NEBL: variants seen among roughly 807,000 people sequenced by gnomAD.
NEBL encodes the protein LIM and SH3 protein 2.
A neutral mutation model predicts 140.2 loss-of-function variants in NEBL; 122 were observed. That is an observed-to-expected ratio of 0.87 (90% CI 0.75 to 1.01). The LOEUF (loss-of-function observed/expected upper bound fraction) is 1.01. Ranked by LOEUF, NEBL falls within the 50% of genes least tolerant of loss-of-function variation. The pLI is 0.00. For synonymous variants in NEBL, 436 were observed against 398.9 expected (o/e 1.09, Z -1.11); for missense variants, 1,365 against 1,231.3 (o/e 1.11, Z -1.62).
intron 3 of NEBL, among the ~76,000 whole-genome samples, chr10:21,006,798 A>G (rs1287761082): frequency 6.6e-6 from 1 of 152,230 alleles, no homozygotes; most frequent in Non-Finnish European, 1.5e-5. Context: ...GGATAACAAT[A>G]AGAAGAAAGT....
intron 12 of NEBL, among the ~76,000 whole-genome samples, chr10:20,843,327 G>C (rs891223678): frequency 6.6e-6 from 1 of 152,004 alleles, no homozygotes; most frequent in African/African-American, 2.4e-5. Context: ...AAGCCACTTA[G>C]TCTGTGGTAT....
intron 4 of NEBL, among the ~76,000 whole-genome samples, chr10:20,947,909 C>T (rs751870299): frequency 6.6e-6 from 1 of 152,184 alleles, no homozygotes; most frequent in Non-Finnish European, 1.5e-5. Flanking sequence ...ATCTGTATGT[C>T]TTATGCTTTA....
chr10:21,130,623 C>T (rs1393467032), intron 2 of NEBL, among the ~76,000 whole-genome samples: 3 of 152,070 alleles, frequency 2.0e-5, no homozygotes, highest in South Asian at 2.1e-4. Context: ...TTAAATAACA[C>T]ACTTCTAAAT....
At chr10:20,879,370 T>C (rs1845806111) in intron 5 of NEBL, among the ~76,000 whole-genome samples, 1 of 152,178 alleles carries the variant, frequency 6.6e-6, no homozygotes, top group Admixed American at 6.5e-5. Flanking sequence ...ATTACAGTCA[T>C]CCTTAAGCAA....
chr10:21,049,385 A>C (rs1564492891), intron 2 of NEBL, among the ~76,000 whole-genome samples: 1 of 152,198 alleles, frequency 6.6e-6, no homozygotes, highest in Non-Finnish European at 1.5e-5. Flanking sequence ...TTATCAATTC[A>C]TTGTAGATTT....
chr10:21,157,280 A>C (rs1840372322), intron 2 of NEBL, among the ~76,000 whole-genome samples: 1 of 152,180 alleles, frequency 6.6e-6, no homozygotes, highest in South Asian at 2.1e-4. Flanking sequence ...AAAAATTAAC[A>C]GCATTTAAGC....
intron 2 of NEBL, among the ~76,000 whole-genome samples, chr10:21,112,288 C>T (rs1205093745): frequency 6.6e-6 from 1 of 152,138 alleles, no homozygotes; most frequent in Non-Finnish European, 1.5e-5. Flanking sequence ...GACACATGCA[C>T]ACATATGTTT....
At chr10:21,206,968 C>CT (rs1028716031) in intron 3 of NEBL, among the ~76,000 whole-genome samples, 1,175 of 99,074 alleles carry the variant, frequency 0.012, 19 homozygotes, top group African/African-American at 0.021. Context: ...CTTTTTCTTT[C>CT]TTTTTTTTTT....
intron 2 of NEBL, among the ~76,000 whole-genome samples, chr10:21,153,107 T>C (rs1355164133): frequency 2.0e-5 from 3 of 152,216 alleles, no homozygotes; most frequent in African/African-American, 7.2e-5. Context: ...GTAATATTTA[T>C]GGGTCAGGCA....
At chr10:21,092,357 G>C (rs929842813) in intron 2 of NEBL, among the ~76,000 whole-genome samples, 6 of 152,110 alleles carry the variant, frequency 3.9e-5, no homozygotes, top group Admixed American at 3.3e-4. Context: ...ATAGAAGGCA[G>C]TTAGATTGCT....
At chr10:21,160,214 T>C (rs1194509380) in intron 2 of NEBL, among the ~76,000 whole-genome samples, 2 of 152,306 alleles carry the variant, frequency 1.3e-5, no homozygotes, top group East Asian at 1.9e-4. Flanking sequence ...AATATGCTTT[T>C]CTTTCAACGT....
chr10:21,227,840 C>T (rs999309105), intron 3 of NEBL, among the ~76,000 whole-genome samples: 1 of 144,080 alleles, frequency 6.9e-6, no homozygotes, highest in African/African-American at 2.6e-5. Context: ...TCTTCTTCTT[C>T]TTTCTTCTTC....
intron 3 of NEBL, among the ~76,000 whole-genome samples, chr10:21,235,804 G>A (rs1458934268): frequency 6.6e-6 from 1 of 152,152 alleles, no homozygotes; most frequent in Non-Finnish European, 1.5e-5. Flanking sequence ...AGGGATCAGG[G>A]ATGTGTCAAG....
intron 7 of NEBL, chr10:20,868,435 G>A (rs72791975): frequency 2.0e-6 from 1 of 510,370 alleles, no homozygotes; most frequent in Non-Finnish European, 3.5e-6. Context: ...AAAATGTTCA[G>A]ATTTATGCCT....
At chr10:20,809,685 G>T in intron 25 of NEBL, 121 bp downstream of exon 25, 26 of 824,932 alleles carry the variant, frequency 3.2e-5, no homozygotes, top group Admixed American at 9.8e-5. Context: ...CATTTTTTTG[G>T]TTTGCCAAAT....
At chr10:20,809,761 G>C (rs758269478) in intron 25 of NEBL, 45 bp downstream of exon 25, 15 of 1,403,596 alleles carry the variant, frequency 1.1e-5, no homozygotes, top group Non-Finnish European at 1.5e-5. Context: ...GTTCACTTTT[G>C]GGACAAAACC....
At chr10:20,878,430 T>C (rs1182055868) in intron 5 of NEBL, among the ~76,000 whole-genome samples, 1 of 152,182 alleles carries the variant, frequency 6.6e-6, no homozygotes, top group Non-Finnish European at 1.5e-5. Flanking sequence ...TATGAAAGGG[T>C]AATTCCACTA....
At position 20,971,447 on chromosome 10, in the gene NEBL, CT is replaced by C. The variant is rs540090232; in HGVS notation, c.250-9669del. Among the ~76,000 whole-genome samples, 714 of 141,824 alleles carry C rather than the reference CT, an allele frequency of 5.0e-3. 4 individuals are homozygous for C. The highest frequency in any genetic ancestry group is 6.2e-3 in the Non-Finnish European group (398 of 64,548). 93.0% of individuals were successfully genotyped at this position (141,824 alleles called of 152,430 possible). ...CACACACAGAATAGAATTTTTTTTT[CT>C]TTTTTTTTTTATTATACTTTAAGTT... On this transcript the variant is annotated intron_variant, in intron 3 of 6. Coordinates refer to the NEBL transcript ENST00000417816.
At position 20,858,241 on chromosome 10, in the gene NEBL, C is replaced by T; in HGVS notation, c.902G>A (p.Gly301Asp). 2.5e-6 allele frequency: 4 copies of T among 1,597,890 alleles called. No homozygotes were observed. Among genetic ancestry groups the T allele is most frequent in the Non-Finnish European group, 2.6e-6 (3 of 1,165,290 alleles). ...GTTGCCGCTAGATGAACCACTTACG[C>T]CGCTGAGCATTTTGCTGGCTTTCAA... is the stretch of plus-strand genomic sequence containing the variant. ...HVLKASKMLS[G>D]REYKKLFEEN... Residue 301 changes from glycine (G) to aspartate (D), a missense_variant and splice_region_variant, in exon 9 of 28, where the codon GGC becomes GAC. Physicochemically the swap from Gly to Asp is moderately conservative, Grantham distance 94 (BLOSUM62 -1). This residue lies in a region of NEBL where 1,323 missense variants were observed against 1,154.8 expected (regional missense o/e 1.15). Coordinates refer to ENST00000377122, the MANE Select transcript of NEBL (RefSeq NM_006393.3).
Sources: gnomAD v4.1 joint callset for allele counts (sites outside exome capture counted in the v4.1 genomes callset) on GRCh38, gnomAD v4.1.1 for gene constraint, gnomAD v4.1.1 regional missense constraint, MANE v1.5 for transcripts, NCBI Gene and HGNC (gene_info 2026-07-23, HGNC 2026-07-21) for gene names.